TRHDE: variants seen among roughly 807,000 people sequenced by gnomAD.
The protein encoded by TRHDE is thyrotropin releasing hormone degrading enzyme.
Under a neutral mutation model 125.7 loss-of-function variants are expected in TRHDE, and 72 were observed. The ratio of observed to expected loss-of-function variants is 0.57; its 90% CI spans 0.47 to 0.70. The LOEUF (loss-of-function observed/expected upper bound fraction) is 0.70. TRHDE is among the 30% of genes least tolerant of loss of function. The pLI is 0.00. For missense variants in TRHDE, 1,110 were observed against 1,327.1 expected (o/e 0.84, Z 2.54); for synonymous variants, 509 against 509.1 (o/e 1.00, Z 0.00).
intron 1 of TRHDE, among the ~76,000 whole-genome samples, chr12:72,090,126 C>T (rs1328344583): frequency 1.3e-5 from 2 of 151,994 alleles, no homozygotes; most frequent in African/African-American, 4.8e-5. Flanking sequence ...TGGATTGTGA[C>T]CCAAAAATAA....
intron 2 of TRHDE, among the ~76,000 whole-genome samples, chr12:72,357,489 C>T (rs1870874162): frequency 6.6e-6 from 1 of 151,280 alleles, no homozygotes; most frequent in South Asian, 2.1e-4. Context: ...GGCTTATTTC[C>T]CTTAGCATAA....
At chr12:72,331,025 C>T (rs1482739332) in intron 2 of TRHDE, among the ~76,000 whole-genome samples, 2 of 152,118 alleles carry the variant, frequency 1.3e-5, no homozygotes, top group Non-Finnish European at 2.9e-5. Flanking sequence ...AAACCACTGC[C>T]GACATGAAAC....
Position 72,303,196 on chromosome 12 carries a change from A to G in TRHDE, c.1188+16242A>G, listed in dbSNP as rs546319223. The G allele has an allele frequency of 2.0e-5, 3 of 152,274 alleles. No homozygotes were observed. In the East Asian group the frequency reaches 5.8e-4, roughly 29 times the overall value. 9.4% of individuals were successfully genotyped at this position (152,274 alleles called of 1,614,324 possible). On this transcript the variant is annotated intron_variant, in intron 2 of 18. Coordinates refer to ENST00000261180, the MANE Select transcript of TRHDE (RefSeq NM_013381.3). Reference sequence around the variant, plus strand: ...GTGGACCCAAATGCAATGAGAAGAAACCTAGTATATATCACTAGAGATGTT... The same window carrying G: ...GTGGACCCAAATGCAATGAGAAGAAGCCTAGTATATATCACTAGAGATGTT...
intron 2 of TRHDE, chr12:72,306,685 A>G (rs1225811220): frequency 6.6e-6 from 1 of 152,220 alleles, no homozygotes; most frequent in Non-Finnish European, 1.5e-5. Context: ...CACTGGGGAC[A>G]CAGCAGTAAA....
At chr12:72,574,674 A>T (rs2136026981) in intron 10 of TRHDE, among the ~76,000 whole-genome samples, 1 of 152,194 alleles carries the variant, frequency 6.6e-6, no homozygotes, top group African/African-American at 2.4e-5. Flanking sequence ...AGCAGAATTT[A>T]TTATCTTTGT....
chr12:72,529,010 G>A (rs1288430745), intron 6 of TRHDE, among the ~76,000 whole-genome samples: 1 of 151,804 alleles, frequency 6.6e-6, no homozygotes, highest in East Asian at 1.9e-4. Flanking sequence ...TTGTTTAAAA[G>A]TTACCTCGAG....
intron 2 of TRHDE, among the ~76,000 whole-genome samples, chr12:72,211,756 A>G (rs599409): frequency 6.6e-6 from 1 of 152,166 alleles, no homozygotes; most frequent in African/African-American, 2.4e-5. Context: ...TATTTGGAGA[A>G]AGTATTTTAA....
At position 72,345,406 on chromosome 12, in the gene TRHDE, A is replaced by G. The variant is rs530978612; in HGVS notation, c.1189-32589A>G. Among the ~76,000 whole-genome samples the G allele has an allele frequency of 2.0e-4, 31 of 152,212 alleles. No homozygotes were observed. The South Asian group carries it at 6.4e-3, about 32-fold the overall frequency. ...GGGAAGAGATGCATAGTCGCACACCATTGTCTAGTATTGCCACCATACAGA... is the reference window on the plus strand; with the variant it reads ...GGGAAGAGATGCATAGTCGCACACCGTTGTCTAGTATTGCCACCATACAGA... On this transcript the variant is annotated intron_variant, in intron 2 of 18. Transcript: ENST00000261180.
intron 2 of TRHDE, among the ~76,000 whole-genome samples, chr12:72,324,500 G>T (rs906281016): frequency 6.6e-6 from 1 of 152,096 alleles, no homozygotes; most frequent in African/African-American, 2.4e-5. Context: ...GAGAAATCAG[G>T]TGATAAGTCA....
intron 6 of TRHDE, among the ~76,000 whole-genome samples, chr12:72,500,349 G>A (rs1878095198): frequency 6.6e-6 from 1 of 152,036 alleles, no homozygotes; most frequent in Admixed American, 6.6e-5. Flanking sequence ...AAAGTCTGCT[G>A]TGATTTTTAG....
At chr12:72,215,271 G>T (rs1440304025) in intron 2 of TRHDE, among the ~76,000 whole-genome samples, 1 of 152,040 alleles carries the variant, frequency 6.6e-6, no homozygotes, top group Admixed American at 6.6e-5. Flanking sequence ...CTTTCACAAG[G>T]TAATGTCATC....
At chr12:72,482,253 A>AT (rs34400798) in intron 5 of TRHDE, among the ~76,000 whole-genome samples, 2,919 of 151,076 alleles carry the variant, frequency 0.019, 86 homozygotes, top group African/African-American at 0.066. Flanking sequence ...AATTTAGGAA[A>AT]TTTTTTTTTA....
intron 2 of TRHDE, among the ~76,000 whole-genome samples, chr12:72,350,477 G>A (rs899118915): frequency 3.3e-5 from 5 of 151,984 alleles, no homozygotes; most frequent in African/African-American, 1.2e-4. Flanking sequence ...TGAGACTCAG[G>A]TAGGTTAAAC....
intron 12 of TRHDE, among the ~76,000 whole-genome samples, chr12:72,576,659 T>A (rs1186085777): frequency 6.6e-6 from 1 of 152,078 alleles, no homozygotes; most frequent in Non-Finnish European, 1.5e-5. Flanking sequence ...GCTTTTCTAT[T>A]TAAAAAAATA....
intron 2 of TRHDE, among the ~76,000 whole-genome samples, chr12:72,246,221 T>A (rs1406945080): frequency 6.6e-6 from 1 of 150,608 alleles, no homozygotes; most frequent in African/African-American, 2.4e-5. Flanking sequence ...TGAAAAAAAA[T>A]TTCCCTACAC....
intron 2 of TRHDE, among the ~76,000 whole-genome samples, chr12:72,235,742 A>G (rs1188990200): frequency 6.6e-6 from 1 of 151,936 alleles, no homozygotes; most frequent in African/African-American, 2.4e-5. Context: ...TTCCCAGGGT[A>G]TGCTTCTCAG....
intron 3 of TRHDE, among the ~76,000 whole-genome samples, chr12:72,442,533 T>C (rs1325857124): frequency 6.6e-6 from 1 of 151,936 alleles, no homozygotes; most frequent in Non-Finnish European, 1.5e-5. Context: ...TTGGCGTTAT[T>C]GATCCTTCTT....
chr12:72,515,090 A>G (rs1342296765), intron 6 of TRHDE, among the ~76,000 whole-genome samples: 20 of 131,186 alleles, frequency 1.5e-4, no homozygotes, highest in African/African-American at 6.7e-4. Flanking sequence ...TAGTGCTGCA[A>G]TAAACATACG....
At position 72,595,886 on chromosome 12, in the gene TRHDE, T is replaced by C. The variant is rs182385281; in HGVS notation, c.2321+20344T>C. Among the ~76,000 whole-genome samples, 257 of 152,278 alleles carry C rather than the reference T, an allele frequency of 1.7e-3. 1 individual carries two copies. The highest frequency in any genetic ancestry group is 0.014 in the Middle Eastern group (4 of 294). On this transcript the variant is annotated intron_variant, in intron 12 of 18. Coordinates refer to ENST00000261180, the MANE Select transcript of TRHDE (RefSeq NM_013381.3). ...AGTCCTTGGCAGACTCAGTCATGAA[T>C]GTGAGTCATAATATTCAAAAGATAA...
Sources: allele counts gnomAD v4.1 joint callset (sites outside exome capture counted in the v4.1 genomes callset), GRCh38; gene constraint gnomAD v4.1.1; transcripts MANE v1.5; gene names NCBI Gene and HGNC (gene_info 2026-07-23, HGNC 2026-07-21).